CRTAC1: variants seen among roughly 807,000 people sequenced by gnomAD.
The protein encoded by CRTAC1 is cartilage acidic protein 1, also known as acidic secreted protein in cartilage.
In CRTAC1, 37 loss-of-function variants were observed where a neutral mutation model predicts 67.8. The ratio of observed to expected loss-of-function variants is 0.55; its 90% CI spans 0.42 to 0.72. The LOEUF is 0.72. Among genes scored for constraint, CRTAC1 ranks in the 30% least tolerant of loss-of-function variants. The pLI, the probability that CRTAC1 is intolerant of heterozygous loss-of-function variation, is 0.00. For synonymous variants in CRTAC1, 348 were observed against 371.0 expected (o/e 0.94, Z 0.71); for missense variants, 780 against 931.6 (o/e 0.84, Z 2.12).
intron 11 of CRTAC1, among the ~76,000 whole-genome samples, chr10:97,885,306 C>A (rs536530892): frequency 1.3e-5 from 2 of 152,126 alleles, no homozygotes; most frequent in South Asian, 2.1e-4. Context: ...TCAAGGCCAG[C>A]CTGGGCAACA....
intron 4 of CRTAC1, 133 bp from the exon 5 acceptor site, chr10:97,917,789 G>A: frequency 1.7e-6 from 1 of 575,246 alleles, no homozygotes; most frequent in East Asian, 3.3e-5. Flanking sequence ...GTTGCAAATG[G>A]CCTTGCAGGC....
chr10:97,891,560 G>C (rs1200834597), intron 11 of CRTAC1, among the ~76,000 whole-genome samples: 1 of 152,242 alleles, frequency 6.6e-6, no homozygotes, highest in Non-Finnish European at 1.5e-5. Context: ...AGAGTCCCGT[G>C]TCCATCTGCC....
At chr10:97,888,483 G>C (rs528581673) in intron 11 of CRTAC1, among the ~76,000 whole-genome samples, 1 of 151,928 alleles carries the variant, frequency 6.6e-6, no homozygotes, top group Admixed American at 6.5e-5. Context: ...GTGGGAATGT[G>C]TATCAGAGGA....
At chr10:97,885,566 A>G (rs1041653994) in intron 11 of CRTAC1, among the ~76,000 whole-genome samples, 3 of 152,218 alleles carry the variant, frequency 2.0e-5, no homozygotes, top group African/African-American at 7.2e-5. Context: ...AGGCACTGTC[A>G]AAGCAGGCCC....
At chr10:97,983,791 GGTGAAGTAGGGT>G (rs1484701691) in intron 2 of CRTAC1, among the ~76,000 whole-genome samples, 12 of 152,194 alleles carry the variant, frequency 7.9e-5, no homozygotes, top group African/African-American at 2.7e-4. Context: ...TCAAGATGCG[GGTGAAGTAGGGT>G]GTGTTCCACC....
At chr10:97,926,486 G>A (rs764413587) in intron 3 of CRTAC1, among the ~76,000 whole-genome samples, 11 of 152,148 alleles carry the variant, frequency 7.2e-5, no homozygotes, top group Non-Finnish European at 1.5e-4. Flanking sequence ...ATGTGTTCAG[G>A]AATTTGCATA....
intron 3 of CRTAC1, among the ~76,000 whole-genome samples, chr10:97,933,314 C>T (rs2051030514): frequency 6.6e-6 from 1 of 152,270 alleles, no homozygotes; most frequent in Non-Finnish European, 1.5e-5. Flanking sequence ...TCACCCCCAC[C>T]CTGGAGGCCG....
intron 2 of CRTAC1, among the ~76,000 whole-genome samples, chr10:97,965,700 G>A (rs1031458107): frequency 6.6e-6 from 1 of 152,046 alleles, no homozygotes; most frequent in Non-Finnish European, 1.5e-5. Context: ...AGCCTCTATG[G>A]GCTATATTAA....
chr10:97,894,760 A>ATATATATATG (rs2050430514), intron 11 of CRTAC1, among the ~76,000 whole-genome samples: 1 of 88,408 alleles, frequency 1.1e-5, no homozygotes, highest in African/African-American at 4.2e-5. Flanking sequence ...ATATATATAT[A>ATATATATATG]TATATGATAG....
intron 11 of CRTAC1, among the ~76,000 whole-genome samples, chr10:97,893,412 T>C (rs1483317817): frequency 2.0e-5 from 3 of 152,172 alleles, no homozygotes; most frequent in African/African-American, 2.4e-5. Flanking sequence ...TTGACTCCAG[T>C]GCTTTCTGAA....
At position 98,029,488 on chromosome 10, in the gene CRTAC1, AGCAGCGGCGGCGGCGGCGGCG is replaced by A. The variant is rs993075311; in HGVS notation, c.24+940_24+960del. Among the ~76,000 whole-genome samples the A allele has an allele frequency of 2.4e-5, 3 of 122,840 alleles. No homozygotes were observed. The highest frequency in any genetic ancestry group is 4.1e-3 in the Middle Eastern group (1 of 242). 80.6% of individuals were successfully genotyped at this position (122,840 alleles called of 152,430 possible). On this transcript the variant is annotated intron_variant, in intron 1 of 14. Coordinates refer to ENST00000370597, the MANE Select transcript of CRTAC1 (RefSeq NM_018058.7). The surrounding 1 kb of genome is among the most constrained non-coding windows in gnomAD (Gnocchi z 4.7). ...CACACTGGGTGCACCCACCAGCAGC[AGCAGCGGCGGCGGCGGCGGCG>A]GCGGCGGCGGCGGCGGCGGCAGCAG...
Position 97,882,674 on chromosome 10 carries a change from GTCC to G in CRTAC1, c.1675+109_1675+111del, listed in dbSNP as rs3831315. The G allele has an allele frequency of 0.013, 14,059 of 1,112,240 alleles. 709 individuals are homozygous for G. The African/African-American group carries it at 0.13, about 10-fold the overall frequency. 68.9% of individuals were successfully genotyped at this position (1,112,240 alleles called of 1,614,324 possible). A position where few individuals can be genotyped will look rare whatever the true frequency, so the allele number is the denominator to read the frequency against. On this transcript the variant is annotated intron_variant, in intron 13 of 14. Coordinates refer to ENST00000370597, the MANE Select transcript of CRTAC1 (RefSeq NM_018058.7). ...CCCAGGACAAACAACACCCTCCCCT[GTCC>G]TCCTTTCTGCCCCTTGCTTGCACCC...
At chr10:97,868,768 T>C (rs1214232140) in intron 14 of CRTAC1, 2 of 151,674 alleles carry the variant, frequency 1.3e-5, no homozygotes, top group Non-Finnish European at 2.9e-5. Flanking sequence ...GGGGAGGGGG[T>C]GAGGATTTAC....
At position 97,983,827 on chromosome 10, in the gene CRTAC1, C is replaced by T. The variant is rs186204789; in HGVS notation, c.224+27311G>A. On this transcript the variant is annotated intron_variant, in intron 2 of 14. Coordinates refer to ENST00000370597, the MANE Select transcript of CRTAC1 (RefSeq NM_018058.7). ...GTGTGTTCCACCCACTCTCTTGTTT[C>T]CATCTGGGGCCTGCAGTGTCATCCA... Among the ~76,000 whole-genome samples the T allele has an allele frequency of 3.3e-5, 5 of 152,304 alleles. No homozygotes were observed. The East Asian group carries it at 7.7e-4, about 23-fold the overall frequency.
chr10:98,028,004 TG>T (rs1347156979), intron 1 of CRTAC1, among the ~76,000 whole-genome samples: 1 of 152,230 alleles, frequency 6.6e-6, no homozygotes, highest in Non-Finnish European at 1.5e-5. Flanking sequence ...TGGGATGGAA[TG>T]GGGTTGGATG....
chr10:97,901,356 GT>G, intron 8 of CRTAC1, 146 bp downstream of exon 8: 2 of 929,504 alleles, frequency 2.2e-6, no homozygotes, highest in Non-Finnish European at 3.2e-6. Flanking sequence ...CTTCCTTTCT[GT>G]TTCTTCATCA....
chr10:97,982,847 T>C (rs2051915676), intron 2 of CRTAC1, among the ~76,000 whole-genome samples: 1 of 152,216 alleles, frequency 6.6e-6, no homozygotes, highest in Admixed American at 6.5e-5. Flanking sequence ...TTGAAGAAAG[T>C]GGGAAAGTTG....
At chr10:97,923,914 C>T (rs2050877069) in intron 3 of CRTAC1, among the ~76,000 whole-genome samples, 1 of 152,082 alleles carries the variant, frequency 6.6e-6, no homozygotes, top group Non-Finnish European at 1.5e-5. Flanking sequence ...AAGTTGAGCT[C>T]TGATGGGGTG....
intron 3 of CRTAC1, among the ~76,000 whole-genome samples, chr10:97,932,530 G>A (rs764621719): frequency 6.6e-6 from 1 of 152,158 alleles, no homozygotes; most frequent in Non-Finnish European, 1.5e-5. Context: ...AGGGCACAGG[G>A]GGTAATGGGG....
Sources: allele counts gnomAD v4.1 joint callset (sites outside exome capture counted in the v4.1 genomes callset), GRCh38; gene constraint gnomAD v4.1.1; non-coding constraint Gnocchi (gnomAD v3.1); transcripts MANE v1.5; gene names NCBI Gene and HGNC (gene_info 2026-07-23, HGNC 2026-07-21).